The following CORIN variants were observed in gnomAD, a reference collection of about 807,000 sequenced individuals.
The protein encoded by CORIN is atrial natriuretic peptide-converting enzyme.
In CORIN, 117 loss-of-function variants were observed where a neutral mutation model predicts 125.3. The observed-to-expected ratio is 0.93, with a 90% CI of 0.80 to 1.09. The LOEUF (loss-of-function observed/expected upper bound fraction) is 1.09, where lower values mean the gene tolerates loss of function less well. Among genes scored for constraint, CORIN ranks in the 50% least tolerant of loss-of-function variants. The pLI is 0.00. For missense variants in CORIN, 1,253 were observed against 1,306.7 expected (o/e 0.96, Z 0.63); for synonymous variants, 450 against 466.4 (o/e 0.96, Z 0.45).
intron 5 of CORIN, among the ~76,000 whole-genome samples, chr4:47,736,467 T>C (rs895383317): frequency 3.3e-4 from 50 of 152,196 alleles, no homozygotes; most frequent in African/African-American, 1.1e-3. Flanking sequence ...AAGATAACTA[T>C]AGAACAAAGA....
At position 47,603,636 on chromosome 4, in the gene CORIN, A is replaced by ATT; in HGVS notation, c.2572_2573insAA (p.Leu858GlnfsTer7). ...TGGATGGTCTAGATTGTTGATGCCA[A>ATT]GCACCACTTTCCAAACTGCAGCATT... On this transcript the variant is annotated frameshift_variant, in exon 20 of 22. Transcript: ENST00000273857. LOFTEE classifies it high-confidence loss of function. 6.2e-7 allele frequency: 1 copy of ATT among 1,614,118 alleles called. No homozygotes were observed. The highest frequency in any genetic ancestry group is 8.5e-7 in the Non-Finnish European group (1 of 1,179,930).
intron 1 of CORIN, among the ~76,000 whole-genome samples, chr4:47,834,511 C>G (rs1290912907): frequency 1.3e-5 from 2 of 152,032 alleles, no homozygotes; most frequent in Non-Finnish European, 2.9e-5. Context: ...ATAAATAAGT[C>G]CTAGAAATCT....
chr4:47,699,855 G>A (rs16860610), intron 5 of CORIN, among the ~76,000 whole-genome samples: 2,956 of 152,284 alleles, frequency 0.019, 104 homozygotes, highest in African/African-American at 0.067. Flanking sequence ...TGGCCCTTCT[G>A]CGGAAAATAA....
chr4:47,723,523 A>G lies in CORIN; in HGVS notation c.799+20879T>C, dbSNP rs555592876. Among the ~76,000 whole-genome samples, 42 of 152,324 alleles carry G rather than the reference A, an allele frequency of 2.8e-4. 1 individual carries two copies. In the South Asian group the frequency reaches 3.7e-3, roughly 14 times the overall value. The stretch of plus-strand genomic sequence containing the variant: ...GCTTTGAAAACTGAACTGACATTGG[A>G]AACAAAGCCCTTAGAAGGCATAATG... On this transcript the variant is annotated intron_variant, in intron 5 of 21. Transcript: ENST00000273857.
intron 4 of CORIN, among the ~76,000 whole-genome samples, chr4:47,751,966 C>T (rs1410703437): frequency 6.6e-6 from 1 of 151,826 alleles, no homozygotes; most frequent in East Asian, 1.9e-4. Context: ...GCCCCCCCAC[C>T]CACACTCCCA....
chr4:47,623,563 C>A lies in CORIN; in HGVS notation c.2540+8G>T. 4 of 1,612,924 alleles carry A rather than the reference C, an allele frequency of 2.5e-6. No homozygotes were observed. Among genetic ancestry groups the A allele is most frequent in the Non-Finnish European group, 3.4e-6 (4 of 1,179,324 alleles). On this transcript the variant is annotated splice_region_variant and intron_variant, in intron 19 of 21. Transcript: ENST00000273857. ...CAGGCAAAGGAAAAAAGGAAAGGTG[C>A]AGCTTACCCCTCGAAGCAGTGGGCA...
intron 10 of CORIN, among the ~76,000 whole-genome samples, chr4:47,670,896 C>A (rs1724727708): frequency 6.6e-6 from 1 of 152,176 alleles, no homozygotes; most frequent in African/African-American, 2.4e-5. Flanking sequence ...CTGGACATGG[C>A]AACACAGGCT....
At chr4:47,794,672 A>C (rs1294789139) in intron 2 of CORIN, among the ~76,000 whole-genome samples, 1 of 152,138 alleles carries the variant, frequency 6.6e-6, no homozygotes, top group African/African-American at 2.4e-5. Context: ...TGGGTGAATA[A>C]ATTGAGATGA....
At chr4:47,623,974 TA>T (rs1274780838) in intron 17 of CORIN, 26 bp from the exon 18 acceptor site, 2 of 1,590,932 alleles carry the variant, frequency 1.3e-6, no homozygotes, top group Non-Finnish European at 1.7e-6. Flanking sequence ...TAAAATGGTA[TA>T]ACATTAAGTT....
At chr4:47,788,273 T>G (rs576882142) in intron 2 of CORIN, among the ~76,000 whole-genome samples, 1 of 152,356 alleles carries the variant, frequency 6.6e-6, no homozygotes, top group South Asian at 2.1e-4. Context: ...AAATGTTTAA[T>G]ATCAGTCTAT....
chr4:47,700,951 TGTCTTCTTA>T (rs1056882700), intron 5 of CORIN, among the ~76,000 whole-genome samples: 3 of 152,240 alleles, frequency 2.0e-5, no homozygotes, highest in Non-Finnish European at 1.5e-5. Context: ...TTTTTTGTTT[TGTCTTCTTA>T]GTAGATGGTG....
intron 1 of CORIN, among the ~76,000 whole-genome samples, chr4:47,808,653 C>T (rs1731914364): frequency 6.6e-6 from 1 of 152,104 alleles, no homozygotes; most frequent in Non-Finnish European, 1.5e-5. Flanking sequence ...GATTAAGCTA[C>T]CAGCCAATGT....
chr4:47,618,150 C>T (rs186497181), intron 19 of CORIN, among the ~76,000 whole-genome samples: 240 of 151,776 alleles, frequency 1.6e-3, no homozygotes, highest in Non-Finnish European at 2.5e-3. Context: ...GCCTGACCAA[C>T]ATGGTGAAAT....
intron 14 of CORIN, among the ~76,000 whole-genome samples, chr4:47,643,475 T>C (rs1723325396): frequency 6.6e-6 from 1 of 152,070 alleles, no homozygotes; most frequent in African/African-American, 2.4e-5. Context: ...AATTACTATG[T>C]TCAAGTGACT....
chr4:47,724,725 T>C (rs1339527465), intron 5 of CORIN, among the ~76,000 whole-genome samples: 1 of 152,208 alleles, frequency 6.6e-6, no homozygotes, highest in Admixed American at 6.5e-5. Flanking sequence ...TCATGCCAAC[T>C]CATACAGAAA....
chr4:47,665,180 T>C lies in CORIN; in HGVS notation c.1441A>G (p.Thr481Ala), dbSNP rs766033800. 2 of 1,613,902 alleles carry C rather than the reference T, an allele frequency of 1.2e-6. No individual in the cohort carries two copies. Among genetic ancestry groups the C allele is most frequent in the African/African-American group, 1.3e-5 (1 of 74,902 alleles). ...CAGCTGATGGATGCTTCCTTTTGAG[T>C]CCTGTGGCCAAAATAATTTGGATAA... ...TSYPNYFGHR[T>A]QKEASISWES... Residue 481 changes from threonine to alanine, a missense_variant, in exon 11 of 22, where the codon ACT becomes GCT. Physicochemically the swap from Thr to Ala is moderately conservative, Grantham distance 58 (BLOSUM62 0). Transcript: ENST00000273857.
At chr4:47,764,749 T>C (rs1051576623) in intron 3 of CORIN, among the ~76,000 whole-genome samples, 1 of 152,212 alleles carries the variant, frequency 6.6e-6, no homozygotes, top group Non-Finnish European at 1.5e-5. Flanking sequence ...TAATTCTTAA[T>C]GGCTCATGAA....
chr4:47,826,276 C>T (rs538060386), intron 1 of CORIN, among the ~76,000 whole-genome samples: 5 of 152,182 alleles, frequency 3.3e-5, no homozygotes, highest in South Asian at 2.1e-4. Context: ...TCACAAAACA[C>T]GCTTGGAAAT....
intron 1 of CORIN, among the ~76,000 whole-genome samples, chr4:47,836,725 G>A (rs181195384): frequency 6.6e-6 from 1 of 152,174 alleles, no homozygotes; most frequent in Non-Finnish European, 1.5e-5. Flanking sequence ...CCCAGGGCTC[G>A]GTCCCAGGAA....
Sources: allele counts gnomAD v4.1 joint callset (sites outside exome capture counted in the v4.1 genomes callset), GRCh38; gene constraint gnomAD v4.1.1; transcripts MANE v1.5; gene names NCBI Gene and HGNC (gene_info 2026-07-23, HGNC 2026-07-21).